Variants in SLC9A9 observed in about 807,000 individuals in gnomAD.
SLC9A9 encodes the protein sodium/hydrogen exchanger 9.
A neutral mutation model predicts 77.8 loss-of-function variants in SLC9A9; 62 were observed. The observed-to-expected ratio is 0.80, with a 90% CI of 0.65 to 0.98. SLC9A9 has a LOEUF of 0.98. Among genes scored for constraint, SLC9A9 ranks in the 50% least tolerant of loss-of-function variants. SLC9A9 has a pLI of 0.00. For synonymous variants in SLC9A9, 320 were observed against 283.5 expected (o/e 1.13, Z -1.29); for missense variants, 775 against 774.9 (o/e 1.00, Z 0.00).
chr3:143,364,102 G>A (rs1429587593), intron 13 of SLC9A9, among the ~76,000 whole-genome samples: 2 of 152,148 alleles, frequency 1.3e-5, no homozygotes, highest in South Asian at 2.1e-4. Flanking sequence ...GAATGTGCTT[G>A]TCTACCTCTT....
intron 11 of SLC9A9, among the ~76,000 whole-genome samples, chr3:143,469,381 C>T (rs746634959): frequency 3.5e-4 from 53 of 152,262 alleles, no homozygotes; most frequent in Middle Eastern, 6.8e-3. Context: ...AGATTTATAA[C>T]GACACCTAGT....
chr3:143,743,863 G>A (rs1337195679), intron 4 of SLC9A9, among the ~76,000 whole-genome samples: 1 of 152,156 alleles, frequency 6.6e-6, no homozygotes, highest in African/African-American at 2.4e-5. Context: ...AAGAATGAAG[G>A]CATGAGAGTG....
intron 12 of SLC9A9, among the ~76,000 whole-genome samples, chr3:143,444,510 G>A (rs2034807421): frequency 6.6e-6 from 1 of 152,108 alleles, no homozygotes. Context: ...CAACACACAC[G>A]TACATACCTA....
chr3:143,523,865 ATTTATT>A (rs991218282), intron 9 of SLC9A9, among the ~76,000 whole-genome samples: 4 of 152,180 alleles, frequency 2.6e-5, no homozygotes, highest in Non-Finnish European at 5.9e-5. Flanking sequence ...TGGTAAATAT[ATTTATT>A]TTTAATTCCG....
chr3:143,699,801 G>T (rs1437855047), intron 4 of SLC9A9, among the ~76,000 whole-genome samples: 1 of 151,978 alleles, frequency 6.6e-6, no homozygotes, highest in Non-Finnish European at 1.5e-5. Flanking sequence ...TGCTGAACTG[G>T]GCTCAGAGCC....
intron 1 of SLC9A9, among the ~76,000 whole-genome samples, chr3:143,847,418 T>C (rs1180584797): frequency 1.3e-5 from 2 of 152,176 alleles, no homozygotes; most frequent in Non-Finnish European, 2.9e-5. Flanking sequence ...CTGAAAGGAA[T>C]GATACGGTAA....
At chr3:143,326,682 T>C (rs1559869094) in intron 14 of SLC9A9, among the ~76,000 whole-genome samples, 1 of 152,180 alleles carries the variant, frequency 6.6e-6, no homozygotes, top group Non-Finnish European at 1.5e-5. Flanking sequence ...CCATGGCTAT[T>C]CTCCATTGTG....
intron 12 of SLC9A9, among the ~76,000 whole-genome samples, chr3:143,426,849 G>A (rs534065770): frequency 6.6e-6 from 1 of 152,296 alleles, no homozygotes; most frequent in African/African-American, 2.4e-5. Context: ...GAGATAATTT[G>A]TTATAATCCA....
At chr3:143,306,092 C>G (rs954503033) in intron 14 of SLC9A9, among the ~76,000 whole-genome samples, 9 of 151,864 alleles carry the variant, frequency 5.9e-5, no homozygotes, top group African/African-American at 2.2e-4. Context: ...GTGAGACTGA[C>G]AAATATGAAC....
At chr3:143,336,492 T>C (rs1177965895) in intron 14 of SLC9A9, among the ~76,000 whole-genome samples, 1 of 152,182 alleles carries the variant, frequency 6.6e-6, no homozygotes, top group Non-Finnish European at 1.5e-5. Context: ...GAAGCCCATA[T>C]GCTCATCAGT....
chr3:143,439,814 G>GC (rs759500180), intron 12 of SLC9A9, among the ~76,000 whole-genome samples: 16,880 of 152,172 alleles, frequency 0.11, 1,251 homozygotes, highest in Non-Finnish European at 0.16. Context: ...AGGTGGGAAG[G>GC]AGGTGGTTCA....
chr3:143,563,626 G>T (rs761366459), intron 8 of SLC9A9, among the ~76,000 whole-genome samples: 1 of 152,078 alleles, frequency 6.6e-6, no homozygotes, highest in Non-Finnish European at 1.5e-5. Flanking sequence ...GGAAGAAAAC[G>T]TAAGATCATC....
At chr3:143,284,152 T>C (rs1938308794) in intron 14 of SLC9A9, among the ~76,000 whole-genome samples, 1 of 152,104 alleles carries the variant, frequency 6.6e-6, no homozygotes, top group Non-Finnish European at 1.5e-5. Flanking sequence ...CGAGTCGTTA[T>C]ACTATTTCAC....
At chr3:143,658,278 CA>C (rs2038926907) in intron 5 of SLC9A9, among the ~76,000 whole-genome samples, 1 of 152,348 alleles carries the variant, frequency 6.6e-6, no homozygotes, top group African/African-American at 2.4e-5. Context: ...TGCCCTAAGG[CA>C]TTTGTTATAT....
At chr3:143,448,931 TATA>T (rs1196983706) in intron 12 of SLC9A9, among the ~76,000 whole-genome samples, 872 of 16,288 alleles carry the variant, frequency 0.054, 299 homozygotes, top group African/African-American at 0.075. Flanking sequence ...TATTATAATA[TATA>T]ATATGATATA....
At chr3:143,438,081 C>T (rs1445984257) in intron 12 of SLC9A9, among the ~76,000 whole-genome samples, 2 of 152,212 alleles carry the variant, frequency 1.3e-5, no homozygotes, top group African/African-American at 4.8e-5. Context: ...AAAGGCCAGG[C>T]TGGGACAAAA....
intron 4 of SLC9A9, among the ~76,000 whole-genome samples, chr3:143,765,283 C>T (rs1028435996): frequency 2.6e-5 from 4 of 151,916 alleles, no homozygotes; most frequent in African/African-American, 4.8e-5. Flanking sequence ...AAGGGATTCT[C>T]CTGCCTTGGC....
chr3:143,448,701 G>C (rs2034891898), intron 12 of SLC9A9, among the ~76,000 whole-genome samples: 1 of 149,858 alleles, frequency 6.7e-6, no homozygotes, highest in Non-Finnish European at 1.5e-5. Flanking sequence ...TCTATCCTAA[G>C]AAAGAAATTA....
At chr3:143,720,777 A>G (rs996732997) in intron 4 of SLC9A9, among the ~76,000 whole-genome samples, 1 of 149,282 alleles carries the variant, frequency 6.7e-6, no homozygotes, top group Non-Finnish European at 1.5e-5. Context: ...GAGTGCTGGA[A>G]AGTGCCTGTC....
Sources: gnomAD v4.1 joint callset for allele counts (sites outside exome capture counted in the v4.1 genomes callset) on GRCh38, gnomAD v4.1.1 for gene constraint, MANE v1.5 for transcripts, NCBI Gene and HGNC (gene_info 2026-07-23, HGNC 2026-07-21) for gene names.